FTCDNL1: variants seen among roughly 807,000 people sequenced by gnomAD.
FTCDNL1 encodes formiminotransferase N-terminal subdomain-containing protein.
FTCDNL1 carries 11 observed loss-of-function variants against 5.9 expected under a neutral mutation model. The ratio of observed to expected loss-of-function variants is 1.87; its 90% confidence interval spans 1.18 to 3.10. FTCDNL1 has a LOEUF of 3.10. Ranked by LOEUF, FTCDNL1 falls within the 30% of genes most tolerant of loss-of-function variation. FTCDNL1 has a pLI of 0.00. For synonymous variants in FTCDNL1, 58 were observed against 24.8 expected (o/e 2.34, Z -3.99); for missense variants, 115 against 65.5 (o/e 1.76, Z -2.61).
chr2:199,690,850 C>T, the FTCDNL1 span, among the ~76,000 whole-genome samples: 3 of 152,074 alleles, frequency 2.0e-5, no homozygotes, highest in Non-Finnish European at 2.9e-5. Flanking sequence ...TTGAGTTATG[C>T]TTCAGGTTCA....
At chr2:199,739,275 C>T in the FTCDNL1 span, among the ~76,000 whole-genome samples, 1 of 152,196 alleles carries the variant, frequency 6.6e-6, no homozygotes, top group East Asian at 1.9e-4. Flanking sequence ...CTTCCTCTTT[C>T]CCTACCCTCT....
At chr2:199,838,276 C>T (rs1014982737) in intron 3 of FTCDNL1, among the ~76,000 whole-genome samples, 3 of 152,108 alleles carry the variant, frequency 2.0e-5, no homozygotes, top group African/African-American at 7.2e-5. Context: ...AAGAAGAATG[C>T]TCCTGAAAAT....
intron 3 of FTCDNL1, among the ~76,000 whole-genome samples, chr2:199,762,419 C>A (rs951996880): frequency 2.0e-5 from 3 of 152,204 alleles, no homozygotes; most frequent in Admixed American, 2.0e-4. Flanking sequence ...TCTATTGGGC[C>A]GCATTCAAAG....
chr2:199,758,016 C>T (rs1351773374), downstream of FTCDNL1, among the ~76,000 whole-genome samples: 1 of 152,152 alleles, frequency 6.6e-6, no homozygotes, highest in East Asian at 1.9e-4. Context: ...AGTCTCCAAC[C>T]TATTCCTTTT....
intron 3 of FTCDNL1, among the ~76,000 whole-genome samples, chr2:199,839,901 T>C (rs1302814947): frequency 2.0e-5 from 3 of 151,998 alleles, no homozygotes; most frequent in East Asian, 3.9e-4. Context: ...ATGTACTTCA[T>C]TTTTTTTCAG....
At chr2:199,762,533 C>A (rs1323205519) in intron 3 of FTCDNL1, among the ~76,000 whole-genome samples, 2 of 152,164 alleles carry the variant, frequency 1.3e-5, no homozygotes, top group Admixed American at 1.3e-4. Flanking sequence ...ACTGGGGTCT[C>A]TTCTGTCTTG....
intron 3 of FTCDNL1, among the ~76,000 whole-genome samples, chr2:199,776,927 T>TACAC (rs201417430): frequency 0.04 from 5,954 of 147,348 alleles, 329 homozygotes; most frequent in Admixed American, 0.12. Context: ...TATATATATA[T>TACAC]ACACACACAC....
the FTCDNL1 span, among the ~76,000 whole-genome samples, chr2:199,706,067 G>T: frequency 1.3e-5 from 2 of 152,110 alleles, no homozygotes; most frequent in African/African-American, 4.8e-5. Flanking sequence ...TTTCTGTCCT[G>T]TCCCCATTTT....
chr2:199,837,065 A>C (rs10497841), intron 3 of FTCDNL1, among the ~76,000 whole-genome samples: 51,968 of 151,998 alleles, frequency 0.34, 9,764 homozygotes, highest in East Asian at 0.48. Context: ...TGGAAGATTA[A>C]GTTTGTTTAT....
the FTCDNL1 span, among the ~76,000 whole-genome samples, chr2:199,754,995 T>C: frequency 6.6e-6 from 1 of 152,190 alleles, no homozygotes; most frequent in Non-Finnish European, 1.5e-5. Context: ...ATCCATCATA[T>C]AGAGTGTAAT....
At chr2:199,716,400 G>A in the FTCDNL1 span, among the ~76,000 whole-genome samples, 1 of 152,156 alleles carries the variant, frequency 6.6e-6, no homozygotes, top group East Asian at 1.9e-4. Context: ...TATTTAAAAA[G>A]ATGGTTGGAC....
chr2:199,803,551 A>T (rs1700576536), intron 3 of FTCDNL1, among the ~76,000 whole-genome samples: 2 of 152,130 alleles, frequency 1.3e-5, no homozygotes, highest in South Asian at 4.1e-4. Context: ...TGCAGCCTTG[A>T]TCTCTCAGGC....
At chr2:199,804,646 T>C (rs1700630976), downstream of FTCDNL1, among the ~76,000 whole-genome samples, 1 of 152,140 alleles carries the variant, frequency 6.6e-6, no homozygotes, top group Non-Finnish European at 1.5e-5. Context: ...GAGAATAATG[T>C]GCGAATGAGA....
intron 3 of FTCDNL1, among the ~76,000 whole-genome samples, chr2:199,769,993 A>C (rs950680430): frequency 4.6e-5 from 7 of 151,884 alleles, no homozygotes; most frequent in African/African-American, 1.7e-4. Context: ...TTTTCGTTCA[A>C]ATCTCATCCT....
chr2:199,818,219 A>C (rs180774239), intron 4 of FTCDNL1: 1 of 152,334 alleles, frequency 6.6e-6, no homozygotes, highest in Non-Finnish European at 1.5e-5. Context: ...ATTAGAAACC[A>C]GGAAATGGAT....
At chr2:199,776,788 T>C (rs1699095393) in intron 3 of FTCDNL1, among the ~76,000 whole-genome samples, 1 of 152,158 alleles carries the variant, frequency 6.6e-6, no homozygotes, top group African/African-American at 2.4e-5. Context: ...TGTATTAGTA[T>C]ACTCCAGAGA....
At chr2:199,776,284 G>C (rs1439336584) in intron 3 of FTCDNL1, among the ~76,000 whole-genome samples, 2 of 152,130 alleles carry the variant, frequency 1.3e-5, no homozygotes, top group Non-Finnish European at 2.9e-5. Context: ...CATATAATGA[G>C]AACAAGGAAA....
intron 3 of FTCDNL1, among the ~76,000 whole-genome samples, chr2:199,799,747 A>C (rs1700349353): frequency 6.6e-6 from 1 of 152,224 alleles, no homozygotes; most frequent in Non-Finnish European, 1.5e-5. Flanking sequence ...GTGAATGTAT[A>C]AATGATAACA....
chr2:199,771,578 C>A lies in FTCDNL1; in HGVS notation c.212-10743G>T, dbSNP rs1345037200. On this transcript the variant is annotated intron_variant, in intron 3 of 3. Transcript: ENST00000416668. ...TTAAGACTCTCAGCCTCATTAATTTCTTATGGTATAAAAGAACAAAAGCAA... is the reference window on the plus strand; with the variant it reads ...TTAAGACTCTCAGCCTCATTAATTTATTATGGTATAAAAGAACAAAAGCAA... 2.0e-5 allele frequency among the ~76,000 whole-genome samples: 3 copies of A among 152,162 alleles called. No homozygotes were observed. The East Asian group carries it at 5.8e-4, about 29-fold the overall frequency.
Sources: allele counts gnomAD v4.1 joint callset (sites outside exome capture counted in the v4.1 genomes callset), GRCh38; gene constraint gnomAD v4.1.1; transcripts MANE v1.5; gene names NCBI Gene and HGNC (gene_info 2026-07-23, HGNC 2026-07-21).